The following INPP4B variants were observed in gnomAD, a reference collection of about 807,000 sequenced individuals.
INPP4B encodes the protein inositol polyphosphate-4-phosphatase type II B, also known as inositol polyphosphate 4-phosphatase type II.
A neutral mutation model predicts 122.5 loss-of-function variants in INPP4B; 55 were observed. That is an observed-to-expected ratio of 0.45 (90% CI 0.36 to 0.56). INPP4B has a LOEUF of 0.56. Among genes scored for constraint, INPP4B ranks in the 20% least tolerant of loss-of-function variants. The probability of loss-of-function intolerance (pLI) is 0.00; values close to 1 mark genes in which losing one functional copy is unlikely to be tolerated. For synonymous variants in INPP4B, 403 were observed against 388.7 expected (o/e 1.04, Z -0.43); for missense variants, 1,000 against 1,097.7 (o/e 0.91, Z 1.26).
chr4:142,182,969 T>C (rs999316802), intron 15 of INPP4B, among the ~76,000 whole-genome samples: 2 of 152,160 alleles, frequency 1.3e-5, no homozygotes, highest in East Asian at 1.9e-4. Flanking sequence ...AACCTACCAA[T>C]TGCAGTATCC....
At chr4:142,303,147 C>T (rs1762109902) in intron 9 of INPP4B, among the ~76,000 whole-genome samples, 1 of 152,054 alleles carries the variant, frequency 6.6e-6, no homozygotes, top group Admixed American at 6.6e-5. Flanking sequence ...AGCAATGTAT[C>T]CTCTGCCCTT....
At chr4:142,306,579 A>G (rs528243133) in intron 8 of INPP4B, among the ~76,000 whole-genome samples, 16 of 152,338 alleles carry the variant, frequency 1.1e-4, no homozygotes, top group African/African-American at 3.4e-4. Context: ...TATTTCACAC[A>G]TGAAAGGCTG....
At chr4:142,807,884 T>A (rs1336690858) in intron 1 of INPP4B, among the ~76,000 whole-genome samples, 5 of 152,252 alleles carry the variant, frequency 3.3e-5, no homozygotes, top group Non-Finnish European at 7.3e-5. Flanking sequence ...ACTAGAACTA[T>A]GTGAAAACTA....
intron 1 of INPP4B, among the ~76,000 whole-genome samples, chr4:142,773,507 A>T (rs907960309): frequency 7.2e-5 from 11 of 152,182 alleles, no homozygotes; most frequent in African/African-American, 2.7e-4. Context: ...CTCTCTATAC[A>T]TTCGGTATAC....
rs902118051 is a variant in INPP4B at position 142,615,683 on chromosome 4, C to T, written c.-191+110156G>A. On this transcript the variant is annotated intron_variant, in intron 2 of 25. Transcript: ENST00000262992. ...AAACTCCAAAAGGGAAAGGGTATAACAAGGTACGTCTGACCTCCCTTCCCA... is the reference window on the plus strand; with the variant it reads ...AAACTCCAAAAGGGAAAGGGTATAATAAGGTACGTCTGACCTCCCTTCCCA... Among the ~76,000 whole-genome samples the T allele has an allele frequency of 2.0e-4, 30 of 152,092 alleles. 1 individual carries two copies. Among genetic ancestry groups the T allele is most frequent in the African/African-American group, 7.0e-4 (29 of 41,430 alleles).
chr4:142,357,369 C>G (rs1183696209), intron 7 of INPP4B, among the ~76,000 whole-genome samples: 2 of 151,998 alleles, frequency 1.3e-5, no homozygotes, highest in African/African-American at 4.8e-5. Flanking sequence ...GCTGAACACA[C>G]AGTTGATGTC....
rs749420081 is a variant in INPP4B, at chr4:142,086,306, T to A, written c.2375-50A>T. 17 of 1,040,014 alleles carry A rather than the reference T, an allele frequency of 1.6e-5. No individual in the cohort carries two copies. The African/African-American group carries it at 2.2e-4, about 14-fold the overall frequency. 64.4% of individuals were successfully genotyped at this position (1,040,014 alleles called of 1,614,324 possible). On this transcript the variant is annotated intron_variant, in intron 23 of 25. Transcript: ENST00000262992. ...AAAATAAAATGAGACAGTGTTCACATTAAGCTGCCCATGGAGGTTTTTTCA... is the reference window on the plus strand; with the variant it reads ...AAAATAAAATGAGACAGTGTTCACAATAAGCTGCCCATGGAGGTTTTTTCA...
chr4:142,706,094 C>T (rs1762437149), intron 2 of INPP4B, among the ~76,000 whole-genome samples: 1 of 152,214 alleles, frequency 6.6e-6, no homozygotes, highest in South Asian at 2.1e-4. Flanking sequence ...AGGTAATTTG[C>T]TTCCATTCTA....
At chr4:142,168,622 T>C (rs1451688074) in intron 16 of INPP4B, among the ~76,000 whole-genome samples, 2 of 151,574 alleles carry the variant, frequency 1.3e-5, no homozygotes, top group Non-Finnish European at 3.0e-5. Flanking sequence ...GTCTTACCAC[T>C]TTACTGGTGG....
intron 2 of INPP4B, among the ~76,000 whole-genome samples, chr4:142,539,258 G>C (rs2113993): frequency 0.97 from 147,306 of 151,748 alleles, 71,629 homozygotes; most frequent in East Asian, 1. Context: ...ATAACAACAA[G>C]AAAAATGTTC....
intron 21 of INPP4B, among the ~76,000 whole-genome samples, chr4:142,113,143 G>A (rs917636901): frequency 5.9e-5 from 9 of 151,878 alleles, no homozygotes; most frequent in Non-Finnish European, 1.3e-4. Flanking sequence ...TTTATGATGC[G>A]CTGATGGAAA....
intron 17 of INPP4B, among the ~76,000 whole-genome samples, chr4:142,147,674 G>A (rs1811523527): frequency 6.6e-6 from 1 of 152,146 alleles, no homozygotes; most frequent in African/African-American, 2.4e-5. Flanking sequence ...GCTTTCCTAA[G>A]TAAATCAAGC....
At chr4:142,533,788 A>G (rs1405188613) in intron 2 of INPP4B, among the ~76,000 whole-genome samples, 1 of 152,172 alleles carries the variant, frequency 6.6e-6, no homozygotes, top group African/African-American at 2.4e-5. Context: ...GAACACCCAA[A>G]TCCAAAATCC....
At position 142,025,790 on chromosome 4, in the gene INPP4B, T is replaced by C. The variant is rs747873811; in HGVS notation, c.*2992A>G. 6.6e-6 allele frequency: 1 copy of C among 152,126 alleles called. No individual in the cohort carries two copies. Among genetic ancestry groups the C allele is most frequent in the Non-Finnish European group, 1.5e-5 (1 of 68,020 alleles). 9.4% of individuals were successfully genotyped at this position (152,126 alleles called of 1,614,324 possible). A position where few individuals can be genotyped will look rare whatever the true frequency, so the allele number is the denominator to read the frequency against. On this transcript the variant is annotated 3_prime_UTR_variant, in exon 26 of 26. Coordinates refer to ENST00000262992, the MANE Select transcript of INPP4B (RefSeq NM_001101669.3). ...CTGGGTCCATGGAGCTCTGCCCTGATTGGGCAGTTTGTCATTTAGTACAAT... is the reference window on the plus strand; with the variant it reads ...CTGGGTCCATGGAGCTCTGCCCTGACTGGGCAGTTTGTCATTTAGTACAAT...
At chr4:142,283,660 C>A (rs549613263) in intron 9 of INPP4B, among the ~76,000 whole-genome samples, 15 of 152,176 alleles carry the variant, frequency 9.9e-5, no homozygotes, top group Admixed American at 6.5e-4. Flanking sequence ...TGTACCTAAA[C>A]ATGGAAAAGG....
chr4:142,537,719 G>T (rs1357748995), intron 2 of INPP4B, among the ~76,000 whole-genome samples: 2 of 144,150 alleles, frequency 1.4e-5, no homozygotes, highest in Admixed American at 1.4e-4. Context: ...ATGTGTGTCT[G>T]TGAGTATGTA....
In INPP4B at chr4:142,374,317, C is replaced by A. The variant is rs115037612; in HGVS notation, c.372+28621G>T. The stretch of plus-strand genomic sequence containing the variant: ...TCTTAACCACATAGAGGCCATTGTT[C>A]TAAGCAAAGATGCATTTTGTATGCT... On this transcript the variant is annotated intron_variant, in intron 7 of 25. Coordinates refer to ENST00000262992, the MANE Select transcript of INPP4B (RefSeq NM_001101669.3). Among the ~76,000 whole-genome samples the A allele has an allele frequency of 3.8e-3, 583 of 151,978 alleles. 4 individuals are homozygous for A. The highest frequency in any genetic ancestry group is 0.013 in the African/African-American group (548 of 41,512).
At chr4:142,534,285 C>A (rs61104737) in intron 2 of INPP4B, among the ~76,000 whole-genome samples, 1 of 151,842 alleles carries the variant, frequency 6.6e-6, no homozygotes, top group Admixed American at 6.6e-5. Flanking sequence ...GATGGTGACA[C>A]CTTCAAAATT....
intron 11 of INPP4B, 22 bp downstream of exon 11, chr4:142,260,470 T>C: frequency 2.9e-6 from 4 of 1,393,926 alleles, no homozygotes; most frequent in Non-Finnish European, 4.1e-6. Flanking sequence ...TGAAACTAAG[T>C]ATTTAAAACT....
Sources: allele counts gnomAD v4.1 joint callset (sites outside exome capture counted in the v4.1 genomes callset), GRCh38; gene constraint gnomAD v4.1.1; transcripts MANE v1.5; gene names NCBI Gene and HGNC (gene_info 2026-07-23, HGNC 2026-07-21).